Variants in PCDHGB4 observed in about 807,000 individuals in gnomAD.
The protein encoded by PCDHGB4 is protocadherin gamma-B4.
A neutral mutation model predicts 60.5 loss-of-function variants in PCDHGB4; 38 were observed. The observed-to-expected ratio is 0.63, with a 90% confidence interval of 0.48 to 0.82. PCDHGB4 has a LOEUF of 0.82. Ranked by LOEUF, PCDHGB4 falls within the 40% of genes least tolerant of loss-of-function variation. The pLI is 0.00. For synonymous variants in PCDHGB4, 456 were observed against 509.7 expected (o/e 0.89, Z 1.42); for missense variants, 1,109 against 1,209.6 (o/e 0.92, Z 1.23).
chr5:141,509,255 T>A (rs1434555633), intron 3 of PCDHGB4, among the ~76,000 whole-genome samples: 1 of 152,158 alleles, frequency 6.6e-6, no homozygotes, highest in African/African-American at 2.4e-5. Flanking sequence ...CCTCTCCGGC[T>A]TTAGTCACTC....
chr5:141,405,568 T>C, intron 1 of PCDHGB4: 1 of 606,666 alleles, frequency 1.6e-6, no homozygotes, highest in South Asian at 2.1e-5. Context: ...GGGACTAGAG[T>C]AGAGTAGCTG....
chr5:141,491,982 T>G lies in PCDHGB4; in HGVS notation c.2398-2825T>G. On this transcript the variant is annotated intron_variant, in intron 1 of 3. Coordinates refer to ENST00000519479, the MANE Select transcript of PCDHGB4 (RefSeq NM_003736.4). This position sits in a 1 kb window ranked among gnomAD's most constrained non-coding sequence, Gnocchi z 6.9. Reference sequence around the variant, plus strand: ...AAAAGGCCGGGGCCTCCTTCGAGCTTCCGGTGAATTTCGGGCGATTTCCGC... The same window carrying G: ...AAAAGGCCGGGGCCTCCTTCGAGCTGCCGGTGAATTTCGGGCGATTTCCGC... The G allele has an allele frequency of 2.6e-6, 2 of 759,438 alleles. No homozygotes were observed. Among genetic ancestry groups the G allele is most frequent in the East Asian group, 3.2e-5 (1 of 31,728 alleles). The allele number at this position is 759,438 out of a possible 1,614,324, so 47.0% of individuals were successfully genotyped here. A position where few individuals can be genotyped will look rare whatever the true frequency, so the allele number is the denominator to read the frequency against.
At chr5:141,423,701 G>A in intron 1 of PCDHGB4, 1 of 1,312,668 alleles carries the variant, frequency 7.6e-7, no homozygotes, top group Non-Finnish European at 9.9e-7. Flanking sequence ...TGGTGTCTTG[G>A]CACAAGTCTT....
intron 1 of PCDHGB4, chr5:141,423,720 A>T: frequency 3.1e-6 from 3 of 957,770 alleles, no homozygotes; most frequent in Admixed American, 5.5e-5. Context: ...TTTTAAGGAG[A>T]TGTTTTTTGA....
intron 1 of PCDHGB4, chr5:141,409,850 G>T (rs1301108879): frequency 6.2e-7 from 1 of 1,612,142 alleles, no homozygotes; most frequent in South Asian, 1.1e-5. Context: ...GAGCCTGCGC[G>T]TGTTGGTGGG....
intron 1 of PCDHGB4, chr5:141,404,892 A>G (rs2094580163): frequency 1.2e-6 from 2 of 1,613,880 alleles, no homozygotes; most frequent in African/African-American, 1.3e-5. Flanking sequence ...GTGGCTGTAC[A>G]GGACCATGGC....
chr5:141,464,328 C>T (rs2099081878), intron 1 of PCDHGB4, among the ~76,000 whole-genome samples: 1 of 150,722 alleles, frequency 6.6e-6, no homozygotes, highest in Admixed American at 6.6e-5. Context: ...CTGTTCAACC[C>T]ATCTATGACT....
chr5:141,388,607 G>A lies in PCDHGB4; in HGVS notation c.723G>A (p.Val241=), dbSNP rs943233962. ...CTGATGCCAATGATAATGCTCCAGT[G>A]TTCAGTCAAGACGTATACAGGGTGA... ...LVTDANDNAP[V]FSQDVYRVSL... Residue 241 remains valine, a synonymous_variant, in exon 1 of 4, where the codon GTG becomes GTA. Transcript: ENST00000519479. 6.2e-7 allele frequency: 1 copy of A among 1,613,904 alleles called. No homozygotes were observed. Among genetic ancestry groups the A allele is most frequent in the Non-Finnish European group, 8.5e-7 (1 of 1,179,896 alleles).
In PCDHGB4 at chr5:141,432,716, C is replaced by G. The variant is rs1417017747; in HGVS notation, c.2397+42435C>G. ...GGCCGTCCAGGACCACGGCCAGCCC[C>G]CTCTCTCCGCCACTGTCACGCTCAC... On this transcript the variant is annotated intron_variant, in intron 1 of 3. Coordinates refer to ENST00000519479, the MANE Select transcript of PCDHGB4 (RefSeq NM_003736.4). This position sits in a 1 kb window ranked among gnomAD's most constrained non-coding sequence, Gnocchi z 6.0. 5.6e-6 allele frequency: 9 copies of G among 1,613,912 alleles called. No individual in the cohort carries two copies. Among genetic ancestry groups the G allele is most frequent in the Non-Finnish European group, 7.6e-6 (9 of 1,179,990 alleles).
chr5:141,489,363 G>T lies in PCDHGB4; in HGVS notation c.2398-5444G>T, dbSNP rs767837736. 20 of 1,613,114 alleles carry T rather than the reference G, an allele frequency of 1.2e-5. No homozygotes were observed. Among genetic ancestry groups the T allele is most frequent in the Non-Finnish European group, 1.7e-5 (20 of 1,179,354 alleles). ...ACTCAGTGGTGGAGGAGTCTGAGCCGGGGACGCTGGTGGGGAATGTTGCTC... is the reference window on the plus strand; with the variant it reads ...ACTCAGTGGTGGAGGAGTCTGAGCCTGGGACGCTGGTGGGGAATGTTGCTC... On this transcript the variant is annotated intron_variant, in intron 1 of 3. Transcript: ENST00000519479. The surrounding 1 kb of genome is among the most constrained non-coding windows in gnomAD (Gnocchi z 4.5).
At chr5:141,399,742 A>G in intron 1 of PCDHGB4, 14 of 1,613,320 alleles carry the variant, frequency 8.7e-6, no homozygotes, top group Non-Finnish European at 1.2e-5. Flanking sequence ...GCCTGCGCTC[A>G]GCGCAAACGT....
chr5:141,487,616 G>A lies in PCDHGB4; in HGVS notation c.2398-7191G>A. On this transcript the variant is annotated intron_variant, in intron 1 of 3. Transcript: ENST00000519479. This position sits in a 1 kb window ranked among gnomAD's most constrained non-coding sequence, Gnocchi z 5.0. ...CTCTGATCTTCTCTATGGGCTAGAG[G>A]TGAGACCTTTGCAGGCTCAACAAAT... 2 of 1,614,220 alleles carry A rather than the reference G, an allele frequency of 1.2e-6. No homozygotes were observed. The highest frequency in any genetic ancestry group is 1.7e-6 in the Non-Finnish European group (2 of 1,180,044).
intron 1 of PCDHGB4, chr5:141,418,829 C>A: frequency 1.9e-6 from 3 of 1,613,856 alleles, no homozygotes; most frequent in Non-Finnish European, 1.7e-6. Context: ...AGCAAAAGAC[C>A]GAGGATCTCT....
In PCDHGB4 at chr5:141,476,042, T is replaced by C. The variant is rs199923442; in HGVS notation, c.2398-18765T>C. On this transcript the variant is annotated intron_variant, in intron 1 of 3. Coordinates refer to ENST00000519479, the MANE Select transcript of PCDHGB4 (RefSeq NM_003736.4). The surrounding 1 kb of genome is among the most constrained non-coding windows in gnomAD (Gnocchi z 7.6). Reference sequence around the variant, plus strand: ...GACTCGGCGCCCAGCGCCCAAGCGCTAACCCGCTGAAAGTTTCTCAGCGAA... The same window carrying C: ...GACTCGGCGCCCAGCGCCCAAGCGCCAACCCGCTGAAAGTTTCTCAGCGAA... 1.4e-5 allele frequency: 21 copies of C among 1,491,832 alleles called. No individual in the cohort carries two copies. The highest frequency in any genetic ancestry group is 2.7e-6 in the Non-Finnish European group (3 of 1,123,808). 92.4% of individuals were successfully genotyped at this position (1,491,832 alleles called of 1,614,324 possible). A position where few individuals can be genotyped will look rare whatever the true frequency, so the allele number is the denominator to read the frequency against.
chr5:141,394,317 T>C, intron 1 of PCDHGB4: 1 of 1,613,972 alleles, frequency 6.2e-7, no homozygotes, highest in Non-Finnish European at 8.5e-7. Flanking sequence ...GGCGCCCCTG[T>C]CCTCGTATAT....
rs778198822 is a variant in PCDHGB4, at chr5:141,432,802, A to C, written c.2397+42521A>C. 6.2e-7 allele frequency: 1 copy of C among 1,614,082 alleles called. No homozygotes were observed. The highest frequency in any genetic ancestry group is 1.1e-5 in the South Asian group (1 of 91,076). The stretch of plus-strand genomic sequence containing the variant: ...CGGACCTCGGCAGCCTCGAGTCTCC[A>C]GCTAACTCTGAAACCTCAGACCTCA... On this transcript the variant is annotated intron_variant, in intron 1 of 3. Transcript: ENST00000519479. This position sits in a 1 kb window ranked among gnomAD's most constrained non-coding sequence, Gnocchi z 6.0.
Position 141,511,303 on chromosome 5 carries a change from C to T in PCDHGB4, c.*130C>T, listed in dbSNP as rs2099883709. 2.7e-6 allele frequency: 4 copies of T among 1,490,160 alleles called. No homozygotes were observed. Among genetic ancestry groups the T allele is most frequent in the Non-Finnish European group, 3.6e-6 (4 of 1,116,196 alleles). 92.3% of individuals were successfully genotyped at this position (1,490,160 alleles called of 1,614,324 possible). ...CTGGTAGGGGCCAAGGCCATGCTCC[C>T]CTTGGGAAACAGAAACAAGTGCCCA... On this transcript the variant is annotated 3_prime_UTR_variant, in exon 4 of 4. Coordinates refer to ENST00000519479, the MANE Select transcript of PCDHGB4 (RefSeq NM_003736.4).
chr5:141,470,855 G>A (rs2099242095), intron 1 of PCDHGB4, among the ~76,000 whole-genome samples: 3 of 151,856 alleles, frequency 2.0e-5, no homozygotes, highest in Admixed American at 2.0e-4. Context: ...GCTCAGATAA[G>A]TTTTTTGTTT....
Position 141,430,867 on chromosome 5 carries a change from G to T in PCDHGB4, c.2397+40586G>T, listed in dbSNP as rs1157718106. ...GCACCCAGATACGCTATTCAGTTCC[G>T]GAAGAGCTGGAGAAAGGCTCTAGGG... On this transcript the variant is annotated intron_variant, in intron 1 of 3. Coordinates refer to ENST00000519479, the MANE Select transcript of PCDHGB4 (RefSeq NM_003736.4). 2.5e-6 allele frequency: 4 copies of T among 1,596,238 alleles called. No individual in the cohort carries two copies. In the East Asian group the frequency reaches 8.9e-5, roughly 36 times the overall value.
Sources: gnomAD v4.1 joint callset for allele counts (sites outside exome capture counted in the v4.1 genomes callset) on GRCh38, gnomAD v4.1.1 for gene constraint, Gnocchi (gnomAD v3.1) non-coding constraint, MANE v1.5 for transcripts, NCBI Gene and HGNC (gene_info 2026-07-23, HGNC 2026-07-21) for gene names.